The following WWOX variants were observed in gnomAD, a reference collection of about 807,000 sequenced individuals.
The protein encoded by WWOX is WW domain-containing oxidoreductase.
Under a neutral mutation model 46.2 loss-of-function variants are expected in WWOX, and 69 were observed. That is an observed-to-expected ratio of 1.49 (90% CI 1.23 to 1.82). WWOX has a LOEUF of 1.82. Ranked by LOEUF, WWOX falls within the 40% of genes most tolerant of loss-of-function variation. The pLI is 0.00. For synonymous variants in WWOX, 359 were observed against 202.6 expected, an observed-to-expected ratio of 1.77 and a Z score of -6.56; for missense variants, 919 against 542.6, an observed-to-expected ratio of 1.69 and a Z score of -6.89.
intron 5 of WWOX, among the ~76,000 whole-genome samples, chr16:78,216,403 A>G (rs949074374): frequency 3.9e-5 from 6 of 152,194 alleles, no homozygotes; most frequent in African/African-American, 7.2e-5. Context: ...TCACCAGTGT[A>G]GCACCTAAAC....
At chr16:79,059,800 C>T (rs969265765) in intron 8 of WWOX, among the ~76,000 whole-genome samples, 2 of 152,234 alleles carry the variant, frequency 1.3e-5, no homozygotes, top group Non-Finnish European at 2.9e-5. Flanking sequence ...TATCCTACCA[C>T]GTGTGTCAGA....
intron 5 of WWOX, among the ~76,000 whole-genome samples, chr16:78,183,823 T>C (rs1406204218): frequency 1.3e-5 from 2 of 152,132 alleles, no homozygotes; most frequent in Non-Finnish European, 2.9e-5. Flanking sequence ...CTGAGTAGAT[T>C]TGTGTCATTT....
chr16:78,761,573 A>AC (rs1278047497), intron 8 of WWOX, among the ~76,000 whole-genome samples: 1 of 150,090 alleles, frequency 6.7e-6, no homozygotes, highest in Non-Finnish European at 1.5e-5. Context: ...ACAGCTCTTG[A>AC]CCTCAGGACT....
At chr16:78,801,049 C>T (rs1026076808) in intron 8 of WWOX, among the ~76,000 whole-genome samples, 3 of 151,816 alleles carry the variant, frequency 2.0e-5, no homozygotes, top group Non-Finnish European at 2.9e-5. Flanking sequence ...GTCATTCTCT[C>T]TCTACCTCTT....
At chr16:79,117,486 T>G (rs1038819485) in intron 8 of WWOX, among the ~76,000 whole-genome samples, 4 of 152,196 alleles carry the variant, frequency 2.6e-5, no homozygotes, top group Non-Finnish European at 5.9e-5. Flanking sequence ...CCTAGGATTT[T>G]GGGAATGGTA....
At chr16:78,550,126 C>T (rs1182943183) in intron 8 of WWOX, among the ~76,000 whole-genome samples, 2 of 152,130 alleles carry the variant, frequency 1.3e-5, no homozygotes, top group Non-Finnish European at 2.9e-5. Context: ...TTCTTTGGTT[C>T]TTTAACATTC....
At chr16:78,961,659 G>A (rs192691517) in intron 8 of WWOX, among the ~76,000 whole-genome samples, 197 of 152,166 alleles carry the variant, frequency 1.3e-3, no homozygotes, top group Middle Eastern at 0.01. Flanking sequence ...CCAGCTTCAC[G>A]TGCAAGAGAA....
chr16:78,876,465 C>G (rs1484973045), intron 8 of WWOX, among the ~76,000 whole-genome samples: 3 of 128,140 alleles, frequency 2.3e-5, no homozygotes, highest in Non-Finnish European at 5.0e-5. Flanking sequence ...GAATGCTTGA[C>G]TCTTCTTTTT....
intron 8 of WWOX, among the ~76,000 whole-genome samples, chr16:79,172,574 C>G (rs1305427935): frequency 6.6e-6 from 1 of 152,134 alleles, no homozygotes; most frequent in African/African-American, 2.4e-5. Context: ...TGGGAAAGAA[C>G]CTGTGGAGCC....
intron 8 of WWOX, among the ~76,000 whole-genome samples, chr16:78,477,500 C>T (rs892597823): frequency 6.6e-6 from 1 of 152,040 alleles, no homozygotes; most frequent in African/African-American, 2.4e-5. Context: ...TTGCTTAAAA[C>T]TAACTGGAAA....
At chr16:78,607,196 C>A (rs999811880) in intron 8 of WWOX, among the ~76,000 whole-genome samples, 3 of 151,950 alleles carry the variant, frequency 2.0e-5, no homozygotes, top group Non-Finnish European at 4.4e-5. Context: ...TAAAATACTT[C>A]ATATTTTATT....
chr16:78,593,923 T>C (rs1418101899), intron 8 of WWOX, among the ~76,000 whole-genome samples: 1 of 152,106 alleles, frequency 6.6e-6, no homozygotes, highest in Non-Finnish European at 1.5e-5. Context: ...GCAATTGGAG[T>C]TGGAGGAGGA....
rs114622469 is a variant in WWOX at position 79,036,195 on chromosome 16, C to T, written c.1057-175413C>T. Among the ~76,000 whole-genome samples, 511 of 152,294 alleles carry T rather than the reference C, an allele frequency of 3.4e-3. 7 individuals are homozygous for T. The highest frequency in any genetic ancestry group is 0.012 in the African/African-American group (498 of 41,558). On this transcript the variant is annotated intron_variant, in intron 8 of 8. Transcript: ENST00000566780. ...GTCAGGTTTCACCCTCTTCAAGTAG[C>T]GTCTCAAACAGTATACCCACTACAG...
intron 8 of WWOX, chr16:79,205,499 G>A (rs796529619): frequency 3.3e-5 from 5 of 152,334 alleles, no homozygotes; most frequent in African/African-American, 1.2e-4. Context: ...AGGGCTAAGA[G>A]TTGGCATGGG....
intron 8 of WWOX, among the ~76,000 whole-genome samples, chr16:78,849,226 G>A (rs969404531): frequency 6.6e-6 from 1 of 152,168 alleles, no homozygotes; most frequent in Admixed American, 6.5e-5. Flanking sequence ...TGGGCATGTT[G>A]CTACAGAGTC....
chr16:78,523,369 C>A (rs564976560), intron 8 of WWOX, among the ~76,000 whole-genome samples: 1 of 152,236 alleles, frequency 6.6e-6, no homozygotes, highest in African/African-American at 2.4e-5. Context: ...TGCTTCCCCT[C>A]TTGTATTCAA....
At chr16:78,326,575 C>G (rs2080624416) in intron 5 of WWOX, among the ~76,000 whole-genome samples, 1 of 47,574 alleles carries the variant, frequency 2.1e-5, no homozygotes, top group African/African-American at 9.8e-5. Flanking sequence ...TGCCCTCCCC[C>G]CGCCCCCCCC....
chr16:78,337,741 A>AAAGCGGTATTGCATTGTGATTT (rs1567510463), intron 5 of WWOX, among the ~76,000 whole-genome samples: 13 of 124,588 alleles, frequency 1.0e-4, no homozygotes, highest in African/African-American at 1.3e-4. Context: ...AGTGCTCAGA[A>AAAGCGGTATTGCATTGTGATTT]TGAAATATCC....
intron 8 of WWOX, among the ~76,000 whole-genome samples, chr16:78,833,952 C>T (rs2051903840): frequency 6.6e-6 from 1 of 152,254 alleles, no homozygotes; most frequent in Non-Finnish European, 1.5e-5. Context: ...TTCTGTGTTG[C>T]ATCCCTTTGG....
Sources: allele counts gnomAD v4.1 joint callset (sites outside exome capture counted in the v4.1 genomes callset), GRCh38; gene constraint gnomAD v4.1.1; transcripts MANE v1.5; gene names NCBI Gene and HGNC (gene_info 2026-07-23, HGNC 2026-07-21).